UBQLN4: variants seen among roughly 807,000 people sequenced by gnomAD.
UBQLN4 encodes ubiquilin-4.
A neutral mutation model predicts 60.4 loss-of-function variants in UBQLN4; 11 were observed. The ratio of observed to expected loss-of-function variants is 0.18; its 90% confidence interval spans 0.11 to 0.30. The LOEUF (loss-of-function observed/expected upper bound fraction) is 0.30. Ranked by LOEUF, UBQLN4 falls within the 10% of genes least tolerant of loss-of-function variation. The probability of loss-of-function intolerance (pLI) is 1.00; values close to 1 mark genes in which losing one functional copy is unlikely to be tolerated. For missense variants in UBQLN4, 417 were observed against 795.5 expected, an observed-to-expected ratio of 0.52 and a Z score of 5.72; for synonymous variants, 258 against 313.1, an observed-to-expected ratio of 0.82 and a Z score of 1.86.
intron 10 of UBQLN4, among the ~76,000 whole-genome samples, chr1:156,038,919 A>G (rs1440948535): frequency 2.0e-5 from 3 of 151,646 alleles, no homozygotes; most frequent in African/African-American, 7.3e-5. Flanking sequence ...AGCCTCCTGA[A>G]TAGCTGGGAT....
At chr1:156,042,126 C>T (rs767398769) in intron 8 of UBQLN4, 27 bp downstream of exon 8, 4 of 1,605,980 alleles carry the variant, frequency 2.5e-6, no homozygotes, top group Non-Finnish European at 3.4e-6. Context: ...TGCCCTCAAC[C>T]TCCACCCATC....
chr1:156,037,543 G>C (rs937661792), intron 10 of UBQLN4, among the ~76,000 whole-genome samples: 10 of 152,164 alleles, frequency 6.6e-5, no homozygotes, highest in Admixed American at 2.6e-4. Context: ...TTGCAGTGAG[G>C]CGAGATCGCG....
intron 10 of UBQLN4, among the ~76,000 whole-genome samples, chr1:156,040,524 C>A (rs1683536132): frequency 6.8e-6 from 1 of 148,042 alleles, no homozygotes; most frequent in South Asian, 2.1e-4. Flanking sequence ...TGGCTCACTG[C>A]AAGCTCCACC....
At chr1:156,040,706 C>A (rs1216367966) in intron 10 of UBQLN4, among the ~76,000 whole-genome samples, 2 of 152,126 alleles carry the variant, frequency 1.3e-5, no homozygotes, top group African/African-American at 4.8e-5. Flanking sequence ...CCCGCCTCAG[C>A]CTCCCAAAGT....
downstream of UBQLN4, among the ~76,000 whole-genome samples, chr1:156,031,783 G>A (rs1471977256): frequency 2.6e-5 from 4 of 151,530 alleles, no homozygotes. Context: ...ACGGGGTTTC[G>A]CAGTGTTAGC....
In UBQLN4 at chr1:156,042,293, C is replaced by G. The variant is rs753216839; in HGVS notation, c.1267-57G>C. On this transcript the variant is annotated intron_variant, in intron 7 of 10. Coordinates refer to ENST00000368309, the MANE Select transcript of UBQLN4 (RefSeq NM_020131.5). ...GGGCCTTTTCACCCTAAGAATTCCC[C>G]CACAGCCTCAGACTCCCTGGGCACC... 2.6e-5 allele frequency: 39 copies of G among 1,522,118 alleles called. 1 individual carries two copies. In the Middle Eastern group the frequency reaches 1.1e-3, roughly 41 times the overall value. The allele number at this position is 1,522,118 out of a possible 1,614,324, so 94.3% of individuals were successfully genotyped here.
Position 156,041,571 on chromosome 1 carries a change from T to C in UBQLN4, c.1567A>G (p.Thr523Ala). The C allele has an allele frequency of 6.2e-7, 1 of 1,613,130 alleles. No individual in the cohort carries two copies. The highest frequency in any genetic ancestry group is 8.5e-7 in the Non-Finnish European group (1 of 1,179,640). Residue 523 changes from threonine to alanine, a missense_variant, in exon 10 of 11, where the codon ACA becomes GCA. Coordinates refer to ENST00000368309, the MANE Select transcript of UBQLN4 (RefSeq NM_020131.5). Reference protein sequence around the residue: ...APTSSPATPATSSPTGASSAQ... With the variant: ...APTSSPATPAASSPTGASSAQ... The stretch of plus-strand genomic sequence containing the variant: ...CTGGAAGCCCCTGTTGGAGAAGATG[T>C]GGCTGGCGTGGCTGGTGAGGAAGTG...
intron 8 of UBQLN4, 22 bp downstream of exon 8, chr1:156,042,131 C>T (rs760622075): frequency 1.1e-5 from 18 of 1,602,676 alleles, no homozygotes; most frequent in Admixed American, 7.1e-5. Context: ...TCAACCTCCA[C>T]CCATCTAGGC....
chr1:156,051,293 G>C lies in UBQLN4; in HGVS notation c.295C>G (p.Pro99Ala), dbSNP rs1482958319. ...GCTGAGGCAGGGTCAGGTGTGGAGG[G>C]GGAAGAAGCAGTGGCAGCAGCTGGA... ...QDPAAATASS[P>A]STPDPASAPS... The change falls in exon 3 of 11, where the codon CCC becomes GCC. Residue 99 changes from proline (P) to alanine (A), a missense_variant. Pro to Ala is a conservative substitution (Grantham distance 27, BLOSUM62 -1). Coordinates refer to ENST00000368309, the MANE Select transcript of UBQLN4 (RefSeq NM_020131.5). The C allele has an allele frequency of 1.5e-5, 24 of 1,561,054 alleles. No homozygotes were observed. The highest frequency in any genetic ancestry group is 3.9e-5 in the Admixed American group (2 of 51,930).
downstream of UBQLN4, chr1:156,035,268 T>C: frequency 1.0e-6 from 1 of 985,348 alleles, no homozygotes; most frequent in Non-Finnish European, 1.2e-6. Context: ...TTCAGCCAGC[T>C]TCTTCCTCAA....
chr1:156,050,197 A>C lies in UBQLN4; in HGVS notation c.741+94T>G. On this transcript the variant is annotated intron_variant, in intron 4 of 10. Coordinates refer to ENST00000368309, the MANE Select transcript of UBQLN4 (RefSeq NM_020131.5). The surrounding 1 kb of genome is among the most constrained non-coding windows in gnomAD (Gnocchi z 4.6). Reference sequence around the variant, plus strand: ...AGTGTTCAAAACTGCTGAATACACGAATGAACAAATCAATGTAGGACAAAG... The same window carrying C: ...AGTGTTCAAAACTGCTGAATACACGCATGAACAAATCAATGTAGGACAAAG... 1 of 1,463,424 alleles carries C rather than the reference A, an allele frequency of 6.8e-7. No individual in the cohort carries two copies. The highest frequency in any genetic ancestry group is 9.1e-7 in the Non-Finnish European group (1 of 1,100,142). 90.7% of individuals were successfully genotyped at this position (1,463,424 alleles called of 1,614,324 possible).
intron 10 of UBQLN4, among the ~76,000 whole-genome samples, chr1:156,040,829 G>A (rs1184361361): frequency 1.3e-5 from 2 of 152,180 alleles, no homozygotes; most frequent in African/African-American, 4.8e-5. Flanking sequence ...GCACAAAGCT[G>A]GGTAAACATA....
At chr1:156,041,360 C>T in intron 10 of UBQLN4, 125 bp downstream of exon 10, 1 of 1,065,880 alleles carries the variant, frequency 9.4e-7, no homozygotes, top group African/African-American at 1.6e-5. Context: ...CTGCCCAAGG[C>T]TAGCAAGTGG....
chr1:156,042,476 G>A, intron 7 of UBQLN4: 1 of 1,363,460 alleles, frequency 7.3e-7, no homozygotes, highest in Non-Finnish European at 9.5e-7. Context: ...GATGAGGACA[G>A]CTAACATTTC....
At chr1:156,051,950 G>C (rs1683882706) in intron 1 of UBQLN4, 93 bp from the exon 2 acceptor site, 5 of 1,504,310 alleles carry the variant, frequency 3.3e-6, no homozygotes, top group South Asian at 2.4e-5. Context: ...GCACTCTCTT[G>C]CTCTCATCTC....
Position 156,050,680 on chromosome 1 carries a change from C to T in UBQLN4, c.479-127G>A. ...CACATGTCCCTCTTCCTGTCATTCC[C>T]ACAGCCCGGCCCTGATCCACTGCTG... On this transcript the variant is annotated intron_variant, in intron 3 of 10. Coordinates refer to ENST00000368309, the MANE Select transcript of UBQLN4 (RefSeq NM_020131.5). This position sits in a 1 kb window ranked among gnomAD's most constrained non-coding sequence, Gnocchi z 4.6. 7.2e-7 allele frequency: 1 copy of T among 1,380,700 alleles called. No homozygotes were observed. 85.5% of individuals were successfully genotyped at this position (1,380,700 alleles called of 1,614,324 possible). A position where few individuals can be genotyped will look rare whatever the true frequency, so the allele number is the denominator to read the frequency against.
downstream of UBQLN4, among the ~76,000 whole-genome samples, chr1:156,031,620 C>T (rs886548782): frequency 2.7e-5 from 4 of 148,896 alleles, no homozygotes; most frequent in African/African-American, 9.9e-5. Context: ...GCTCTGTCAC[C>T]CAGGTTGGTG....
intron 5 of UBQLN4, among the ~76,000 whole-genome samples, chr1:156,046,570 C>T (rs1683709446): frequency 6.7e-6 from 1 of 148,886 alleles, no homozygotes; most frequent in Non-Finnish European, 1.5e-5. Context: ...CAGCCAAGTG[C>T]AGTGGCTCAC....
At chr1:156,033,137 C>T, downstream of UBQLN4, 2 of 896,350 alleles carry the variant, frequency 2.2e-6, no homozygotes, top group Non-Finnish European at 2.7e-6. Context: ...TATGTAGCTG[C>T]TGCCACAGGA....
Sources: allele counts gnomAD v4.1 joint callset (sites outside exome capture counted in the v4.1 genomes callset), GRCh38; gene constraint gnomAD v4.1.1; non-coding constraint Gnocchi (gnomAD v3.1); transcripts MANE v1.5; gene names NCBI Gene and HGNC (gene_info 2026-07-23, HGNC 2026-07-21).